Variants in ZNF829 observed in about 807,000 individuals in gnomAD.
The protein encoded by ZNF829 is zinc finger protein 829.
In ZNF829, 25 loss-of-function variants were observed where a neutral mutation model predicts 35.2. That is an observed-to-expected ratio of 0.71 (90% CI 0.52 to 0.99). The LOEUF (loss-of-function observed/expected upper bound fraction) is 0.99. Ranked by LOEUF, ZNF829 falls within the 50% of genes least tolerant of loss-of-function variation. The pLI, the probability that ZNF829 is intolerant of heterozygous loss-of-function variation, is 0.00. For synonymous variants in ZNF829, 136 were observed against 163.2 expected (o/e 0.83, Z 1.27); for missense variants, 417 against 515.3 (o/e 0.81, Z 1.85).
At chr19:36,907,896 A>G in intron 5 of ZNF829, 33 bp downstream of exon 5, 1 of 1,567,448 alleles carries the variant, frequency 6.4e-7, no homozygotes, top group Non-Finnish European at 8.8e-7. Context: ...ATCTCTTTAT[A>G]GCCCTGCTCC....
intron 2 of ZNF829, 22 bp downstream of exon 2, chr19:36,915,107 TC>T (rs2073302255): frequency 2.5e-6 from 4 of 1,613,958 alleles, no homozygotes; most frequent in Non-Finnish European, 3.4e-6. Flanking sequence ...AAGTAAGAGT[TC>T]TTCCCCAGCC....
chr19:36,891,811 T>C lies in ZNF829; in HGVS notation c.980A>G (p.Lys327Arg). ...MHTGEKPYEC[K>R]QCGKAFNSAS... ...ACTATTAAAGGCCTTCCCACACTGC[T>C]TACATTCATAAGGTTTCTCACCAGT... Residue 327 changes from lysine to arginine, a missense_variant, in exon 6 of 6, where the codon AAG (lysine) becomes AGG (arginine). Lys to Arg is a conservative substitution (Grantham distance 26, BLOSUM62 2). Coordinates refer to ENST00000391711, the MANE Select transcript of ZNF829 (RefSeq NM_001037232.4). The C allele has an allele frequency of 6.2e-7, 1 of 1,614,176 alleles. No homozygotes were observed. Among genetic ancestry groups the C allele is most frequent in the Non-Finnish European group, 8.5e-7 (1 of 1,180,030 alleles).
Position 36,892,354 on chromosome 19 carries a change from G to A in ZNF829, c.437C>T (p.Pro146Leu). 1.9e-6 allele frequency: 3 copies of A among 1,613,606 alleles called. No homozygotes were observed. Among genetic ancestry groups the A allele is most frequent in the Non-Finnish European group, 2.5e-6 (3 of 1,179,914 alleles). The change falls in exon 6 of 6, where the codon CCT becomes CTT. Residue 146 changes from proline to leucine, a missense_variant. Pro to Leu is a moderately conservative substitution (Grantham distance 98). Coordinates refer to ENST00000391711, the MANE Select transcript of ZNF829 (RefSeq NM_001037232.4). ...TTTCTCTTCACTCATAGTTTTTTGAGGTGGAATAAGAAATGTGGGCTGAAT... is the reference window on the plus strand; with the variant it reads ...TTTCTCTTCACTCATAGTTTTTTGAAGTGGAATAAGAAATGTGGGCTGAAT... ...TFIQPTFLIPPQKTMSEEKPW... is the reference protein window; with the variant it reads ...TFIQPTFLIPLQKTMSEEKPW...
At position 36,908,137 on chromosome 19, in the gene ZNF829, A is replaced by T. The variant is rs2073234281; in HGVS notation, c.224-113T>A. ...CCACTACAAGAAGGACCGGAGAAAG[A>T]TGGAGAAGATGAAGCTTCAGCCACA... On this transcript the variant is annotated intron_variant, in intron 4 of 5. Transcript: ENST00000391711. 23 of 1,175,926 alleles carry T rather than the reference A, an allele frequency of 2.0e-5. No individual in the cohort carries two copies. In the South Asian group the frequency reaches 3.4e-4, roughly 17 times the overall value. The allele number at this position is 1,175,926 out of a possible 1,614,324, so 72.8% of individuals were successfully genotyped here.
Position 36,891,245 on chromosome 19 carries a change from A to G in ZNF829, c.*247T>C. 2 of 405,968 alleles carry G rather than the reference A, an allele frequency of 4.9e-6. No individual in the cohort carries two copies. Among genetic ancestry groups the G allele is most frequent in the Non-Finnish European group, 8.6e-6 (2 of 231,496 alleles). 25.1% of individuals were successfully genotyped at this position (405,968 alleles called of 1,614,324 possible). On this transcript the variant is annotated 3_prime_UTR_variant, in exon 6 of 6. Coordinates refer to ENST00000391711, the MANE Select transcript of ZNF829 (RefSeq NM_001037232.4). The stretch of plus-strand genomic sequence containing the variant: ...GGAAAAAGGCATAGAACAGATCCTC[A>G]GAGTCCTCAGAAGGAACCAAAACGA...
rs745415672 is a variant in ZNF829, at chr19:36,892,437, A to C, written c.354T>G (p.Ser118=). 23 of 1,599,918 alleles carry C rather than the reference A, an allele frequency of 1.4e-5. No homozygotes were observed. The highest frequency in any genetic ancestry group is 1.6e-5 in the Non-Finnish European group (19 of 1,176,804). The change falls in exon 6 of 6, where the codon TCT becomes TCG. Residue 118 remains serine, a synonymous_variant. Transcript: ENST00000391711. ...LESMCETKIL[S]LKKRHFSQVI... The stretch of plus-strand genomic sequence containing the variant: ...CTTGACTGAAATGTCTCTTCTTTAG[A>C]GATAATATTTTGGTCTCACACATTG...
chr19:36,899,495 C>CAT (rs34648213), intron 5 of ZNF829, among the ~76,000 whole-genome samples: 38,279 of 150,414 alleles, frequency 0.25, 5,510 homozygotes, highest in Non-Finnish European at 0.34. Flanking sequence ...AAAAAAAATA[C>CAT]ATATATATAT....
At chr19:36,892,598 G>T in intron 5 of ZNF829, 127 bp from the exon 6 acceptor site, 1 of 1,002,426 alleles carries the variant, frequency 1.0e-6, no homozygotes, top group South Asian at 1.7e-5. Context: ...AGGTGGAGAG[G>T]CAATCTGTAA....
intron 4 of ZNF829, 128 bp downstream of exon 4, chr19:36,908,205 A>G: frequency 7.3e-7 from 1 of 1,375,872 alleles, no homozygotes. Flanking sequence ...ATTCTATTTT[A>G]ACTCAAACCA....
intron 5 of ZNF829, among the ~76,000 whole-genome samples, chr19:36,893,705 T>G (rs1365937641): frequency 6.6e-6 from 1 of 152,146 alleles, no homozygotes; most frequent in Non-Finnish European, 1.5e-5. Flanking sequence ...TCTTAAGTAT[T>G]CCCTCCACAC....
intron 5 of ZNF829, among the ~76,000 whole-genome samples, chr19:36,904,695 G>C (rs2073201356): frequency 6.6e-6 from 1 of 151,862 alleles, no homozygotes; most frequent in Non-Finnish European, 1.5e-5. Flanking sequence ...CACCGCGCCT[G>C]GTCTGGGCTG....
intron 5 of ZNF829, chr19:36,893,018 A>C (rs906381953): frequency 2.5e-6 from 1 of 405,092 alleles, no homozygotes; most frequent in Non-Finnish European, 4.3e-6. Context: ...ACGTTCATAA[A>C]CATATGCTCA....
chr19:36,897,798 C>T (rs1427574595), intron 5 of ZNF829, among the ~76,000 whole-genome samples: 1 of 152,146 alleles, frequency 6.6e-6, no homozygotes, highest in Non-Finnish European at 1.5e-5. Flanking sequence ...TATTTAAAAA[C>T]CTAAAGATGC....
At chr19:36,905,841 G>A (rs1196663054) in intron 5 of ZNF829, 1 of 152,066 alleles carries the variant, frequency 6.6e-6, no homozygotes, top group Non-Finnish European at 1.5e-5. Flanking sequence ...ATATAGTGTG[G>A]TATTGGCACA....
chr19:36,904,683 G>A (rs551050134), intron 5 of ZNF829, among the ~76,000 whole-genome samples: 4 of 152,224 alleles, frequency 2.6e-5, no homozygotes, highest in Admixed American at 6.5e-5. Flanking sequence ...ACAGGTGTGA[G>A]CCACCGCGCC....
rs1164206164 is a variant in ZNF829, at chr19:36,892,266, C to T, written c.525G>A (p.Gln175=). ...AGTGTTTTTCACCAAAATGAATTCT[C>T]TGATGTTGGATAAATTGTGAGTTTT... is the stretch of plus-strand genomic sequence containing the variant. ...FNQNSQFIQH[Q]RIHFGEKHYE... The change falls in exon 6 of 6, where the codon CAG becomes CAA. Residue 175 remains glutamine (Q), a synonymous_variant. Coordinates refer to ENST00000391711, the MANE Select transcript of ZNF829 (RefSeq NM_001037232.4). 7.4e-6 allele frequency: 12 copies of T among 1,613,814 alleles called. 1 individual carries two copies. In the Admixed American group the frequency reaches 1.8e-4, roughly 25 times the overall value.
chr19:36,903,499 T>C (rs2073189332), intron 5 of ZNF829, among the ~76,000 whole-genome samples: 1 of 152,210 alleles, frequency 6.6e-6, no homozygotes, highest in African/African-American at 2.4e-5. Flanking sequence ...ATCACAGTTC[T>C]CAATTACCTA....
intron 5 of ZNF829, among the ~76,000 whole-genome samples, chr19:36,900,847 G>GAAAAA (rs59848712): frequency 9.3e-4 from 83 of 88,936 alleles, no homozygotes; most frequent in African/African-American, 3.6e-3. Flanking sequence ...GACTGTCTCA[G>GAAAAA]AAAAAAAAAA....
rs921695527 is a variant in ZNF829, at chr19:36,889,806, A to G, written c.*1686T>C. 1.3e-5 allele frequency: 2 copies of G among 152,018 alleles called. No individual in the cohort carries two copies. Among genetic ancestry groups the G allele is most frequent in the African/African-American group, 4.8e-5 (2 of 41,402 alleles). The allele number at this position is 152,018 out of a possible 1,614,324, so 9.4% of individuals were successfully genotyped here. A position where few individuals can be genotyped will look rare whatever the true frequency, so the allele number is the denominator to read the frequency against. On this transcript the variant is annotated 3_prime_UTR_variant, in exon 6 of 6. Transcript: ENST00000391711. Reference sequence around the variant, plus strand: ...TATTTGTTATTGCTTTTCTTCTGCCAGCTTTGGGTTGAGTTTGTTTTGTTT... The same window carrying G: ...TATTTGTTATTGCTTTTCTTCTGCCGGCTTTGGGTTGAGTTTGTTTTGTTT...
Sources: allele counts gnomAD v4.1 joint callset (sites outside exome capture counted in the v4.1 genomes callset), GRCh38; gene constraint gnomAD v4.1.1; transcripts MANE v1.5; gene names NCBI Gene and HGNC (gene_info 2026-07-23, HGNC 2026-07-21).